Variants in MBNL1 observed in about 807,000 individuals in gnomAD.
MBNL1 encodes muscleblind like splicing regulator 1.
A neutral mutation model predicts 42.2 loss-of-function variants in MBNL1; 8 were observed. The observed-to-expected ratio is 0.19, with a 90% confidence interval of 0.11 to 0.34. MBNL1 has a LOEUF of 0.34. MBNL1 is among the 10% of genes least tolerant of loss of function. The probability of loss-of-function intolerance (pLI) is 1.00; values close to 1 mark genes in which losing one functional copy is unlikely to be tolerated. For missense variants in MBNL1, 309 were observed against 495.3 expected (o/e 0.62, Z 3.57); for synonymous variants, 169 against 173.9 (o/e 0.97, Z 0.22).
At chr3:152,420,231 G>A (rs2098781098) in intron 3 of MBNL1, among the ~76,000 whole-genome samples, 1 of 152,216 alleles carries the variant, frequency 6.6e-6, no homozygotes, top group South Asian at 2.1e-4. Context: ...GAAGAGAGCA[G>A]CAGATCTCCC....
At chr3:152,417,400 G>A (rs2098719901) in intron 3 of MBNL1, among the ~76,000 whole-genome samples, 1 of 152,166 alleles carries the variant, frequency 6.6e-6, no homozygotes, top group Non-Finnish European at 1.5e-5. Context: ...TGAAGACATG[G>A]CATTAACTTG....
At chr3:152,460,909 A>G (rs1744626533) in intron 9 of MBNL1, among the ~76,000 whole-genome samples, 1 of 152,172 alleles carries the variant, frequency 6.6e-6, no homozygotes, top group Admixed American at 6.5e-5. Flanking sequence ...AATAGATAAT[A>G]AGATAAAGAT....
intron 2 of MBNL1, chr3:152,335,086 A>G (rs573201320): frequency 3.9e-6 from 5 of 1,272,886 alleles, no homozygotes; most frequent in East Asian, 5.6e-5. Context: ...CTGACCTGGC[A>G]TATCCATTAC....
chr3:152,405,869 A>G (rs572993452), intron 2 of MBNL1, among the ~76,000 whole-genome samples: 56 of 152,338 alleles, frequency 3.7e-4, no homozygotes, highest in African/African-American at 1.3e-3. Flanking sequence ...CCAAGATTGA[A>G]AAGTGTCTGA....
At chr3:152,328,952 C>A (rs1428218392) in intron 2 of MBNL1, among the ~76,000 whole-genome samples, 1 of 151,850 alleles carries the variant, frequency 6.6e-6, no homozygotes, top group African/African-American at 2.4e-5. Flanking sequence ...AAGGCTAGTA[C>A]CAAGGGAGAC....
intron 8 of MBNL1, chr3:152,458,313 C>T: frequency 1.3e-6 from 1 of 793,936 alleles, no homozygotes; most frequent in East Asian, 2.7e-5. Context: ...ATATACACGC[C>T]AGACTGTGGA....
At chr3:152,438,846 CTG>C (rs1482431215) in intron 4 of MBNL1, among the ~76,000 whole-genome samples, 4 of 152,180 alleles carry the variant, frequency 2.6e-5, no homozygotes, top group Non-Finnish European at 5.9e-5. Context: ...GGTAAGAACA[CTG>C]TGCATGGCAT....
intron 8 of MBNL1, 129 bp downstream of exon 8, chr3:152,456,490 C>CT (rs1734021062): frequency 1.4e-6 from 1 of 718,622 alleles, no homozygotes; most frequent in Non-Finnish European, 2.5e-6. Flanking sequence ...GTAGAGGGTG[C>CT]TTTAATAAGC....
At position 152,407,836 on chromosome 3, in the gene MBNL1, GA is replaced by G. The variant is rs780230008; in HGVS notation, c.175-7103del. Among the ~76,000 whole-genome samples the G allele has an allele frequency of 3.9e-5, 6 of 152,158 alleles. No individual in the cohort carries two copies. In the East Asian group the frequency reaches 7.7e-4, roughly 20 times the overall value. ...ATAGTTACATCCTTTGCAGGGACAT[GA>G]ATGGAGCTGGAAGGCATTTTCCTCA... On this transcript the variant is annotated intron_variant, in intron 2 of 9. Transcript: ENST00000324210.
chr3:152,458,100 G>T, intron 8 of MBNL1: 1 of 1,595,536 alleles, frequency 6.3e-7, no homozygotes, highest in Non-Finnish European at 8.6e-7. Flanking sequence ...GCATCGATTG[G>T]TGTTGAAGGT....
intron 2 of MBNL1, among the ~76,000 whole-genome samples, chr3:152,380,451 G>A (rs2153397874): frequency 6.6e-6 from 1 of 152,064 alleles, no homozygotes; most frequent in South Asian, 2.1e-4. Flanking sequence ...GAATCGACAG[G>A]GAAACAGCAT....
At chr3:152,351,708 A>G (rs1403805642) in intron 2 of MBNL1, among the ~76,000 whole-genome samples, 1 of 152,188 alleles carries the variant, frequency 6.6e-6, no homozygotes, top group Non-Finnish European at 1.5e-5. Context: ...ATGCAATCAG[A>G]TACAAGTTAC....
intron 4 of MBNL1, among the ~76,000 whole-genome samples, chr3:152,433,786 T>A (rs2099041446): frequency 6.6e-6 from 1 of 151,778 alleles, no homozygotes; most frequent in African/African-American, 2.4e-5. Context: ...CATAATCCTC[T>A]AAGTTCTAGA....
chr3:152,341,092 C>A, intron 2 of MBNL1: 1 of 605,134 alleles, frequency 1.7e-6, no homozygotes, highest in Non-Finnish European at 2.5e-6. Flanking sequence ...CTCTAGACTT[C>A]AAAGTATAAC....
At chr3:152,353,591 A>G (rs1485866253) in intron 2 of MBNL1, among the ~76,000 whole-genome samples, 1 of 152,116 alleles carries the variant, frequency 6.6e-6, no homozygotes, top group African/African-American at 2.4e-5. Context: ...AGTATAAAAC[A>G]TAAATTCTAT....
chr3:152,331,938 C>T (rs959930125), intron 2 of MBNL1, among the ~76,000 whole-genome samples: 3 of 152,018 alleles, frequency 2.0e-5, no homozygotes, highest in Non-Finnish European at 2.9e-5. Flanking sequence ...GTGATCCACC[C>T]GCCTCAGCCT....
chr3:152,324,755 G>A (rs1261131745), intron 2 of MBNL1, among the ~76,000 whole-genome samples: 4 of 152,080 alleles, frequency 2.6e-5, no homozygotes, highest in Non-Finnish European at 4.4e-5. Flanking sequence ...AACTGGGAAA[G>A]TTACTTAGCT....
At chr3:152,342,546 T>C (rs1157878474) in intron 2 of MBNL1, among the ~76,000 whole-genome samples, 1 of 97,462 alleles carries the variant, frequency 1.0e-5, no homozygotes, top group Non-Finnish European at 2.0e-5. Flanking sequence ...ACTGGGAAAC[T>C]AAACAAAACA....
chr3:152,369,403 C>T lies in MBNL1; in HGVS notation c.175-45538C>T, dbSNP rs538896984. ...CATGCCTTTTGATGTGCTCTGGATT[C>T]GGTTTGCCAGTATGGTATTGAGGAT... On this transcript the variant is annotated intron_variant, in intron 2 of 9. Coordinates refer to ENST00000324210, the MANE Select transcript of MBNL1 (RefSeq NM_021038.5). Among the ~76,000 whole-genome samples the T allele has an allele frequency of 2.6e-5, 4 of 152,198 alleles. No individual in the cohort carries two copies. The East Asian group carries it at 5.8e-4, about 22-fold the overall frequency.
Sources: allele counts gnomAD v4.1 joint callset (sites outside exome capture counted in the v4.1 genomes callset), GRCh38; gene constraint gnomAD v4.1.1; transcripts MANE v1.5; gene names NCBI Gene and HGNC (gene_info 2026-07-23, HGNC 2026-07-21).